PTPRN2: variants seen among roughly 807,000 people sequenced by gnomAD.
The protein encoded by PTPRN2 is receptor-type tyrosine-protein phosphatase N2.
A neutral mutation model predicts 118.8 loss-of-function variants in PTPRN2; 74 were observed. That is an observed-to-expected ratio of 0.62 (90% CI 0.52 to 0.76). The LOEUF (loss-of-function observed/expected upper bound fraction) is 0.76, where lower values mean the gene tolerates loss of function less well. PTPRN2 is among the 30% of genes least tolerant of loss of function. PTPRN2 has a pLI of 0.00. For synonymous variants in PTPRN2, 641 were observed against 608.0 expected (o/e 1.05, Z -0.80); for missense variants, 1,481 against 1,394.4 (o/e 1.06, Z -0.99).
rs568554692 is a variant in PTPRN2, at chr7:157,546,400, G to T, written c.2976+2546C>A. 2.6e-5 allele frequency among the ~76,000 whole-genome samples: 4 copies of T among 152,334 alleles called. No homozygotes were observed. The South Asian group carries it at 8.3e-4, about 32-fold the overall frequency. On this transcript the variant is annotated intron_variant, in intron 22 of 22. Transcript: ENST00000389418. The stretch of plus-strand genomic sequence containing the variant: ...ATCACCGAGGAATTAAGCTCCGCAT[G>T]CATTAGCTATCATCCTGATGCTCCC...
intron 12 of PTPRN2, among the ~76,000 whole-genome samples, chr7:157,711,747 G>T (rs952262625): frequency 1.3e-5 from 2 of 152,116 alleles, no homozygotes; most frequent in African/African-American, 4.8e-5. Context: ...CAGCAGTTCT[G>T]CCGGGTTAAC....
intron 2 of PTPRN2, among the ~76,000 whole-genome samples, chr7:158,342,189 C>T (rs202110959): frequency 4.4e-3 from 388 of 88,468 alleles, no homozygotes; most frequent in Middle Eastern, 7.2e-3. Flanking sequence ...CCGACGCCCA[C>T]AGACGTCACT....
intron 1 of PTPRN2, among the ~76,000 whole-genome samples, chr7:158,585,136 G>C (rs897042165): frequency 6.6e-6 from 1 of 152,234 alleles, no homozygotes; most frequent in Non-Finnish European, 1.5e-5. Context: ...ACAAGATCCA[G>C]ACAGGAGAGA....
At chr7:158,136,311 T>C (rs1585567859) in intron 8 of PTPRN2, among the ~76,000 whole-genome samples, 1 of 152,230 alleles carries the variant, frequency 6.6e-6, no homozygotes, top group African/African-American at 2.4e-5. Context: ...AATCCGCACA[T>C]GCAGGAGGCA....
chr7:157,977,747 C>G lies in PTPRN2; in HGVS notation c.1724-79010G>C, dbSNP rs1406547350. 6.6e-6 allele frequency among the ~76,000 whole-genome samples: 1 copy of G among 151,730 alleles called. No individual in the cohort carries two copies. The highest frequency in any genetic ancestry group is 1.5e-5 in the Non-Finnish European group (1 of 67,860). On this transcript the variant is annotated intron_variant, in intron 11 of 22. Coordinates refer to ENST00000389418, the MANE Select transcript of PTPRN2 (RefSeq NM_002847.5). The surrounding 1 kb of genome is among the most constrained non-coding windows in gnomAD (Gnocchi z 4.6). ...AGGAAGTGAGAGGTAGGATCTGGTA[C>G]CATCTCGAGAGGCTGCAGCAGGGAC...
At chr7:158,193,370 G>A (rs975239323) in intron 4 of PTPRN2, among the ~76,000 whole-genome samples, 1 of 152,226 alleles carries the variant, frequency 6.6e-6, no homozygotes, top group African/African-American at 2.4e-5. Context: ...CCACTTGCCA[G>A]TGGGGCCCCC....
intron 20 of PTPRN2, among the ~76,000 whole-genome samples, chr7:157,570,353 T>C (rs1442213289): frequency 6.6e-6 from 1 of 152,278 alleles, no homozygotes; most frequent in African/African-American, 2.4e-5. Context: ...TACTCTACTC[T>C]GTAAGGATAA....
intron 5 of PTPRN2, among the ~76,000 whole-genome samples, chr7:158,177,513 T>C (rs1317725327): frequency 6.6e-6 from 1 of 152,180 alleles, no homozygotes; most frequent in Admixed American, 6.5e-5. Context: ...CCTGAATACA[T>C]TCCGGTGCCC....
At chr7:157,889,589 C>G (rs1422955340) in intron 12 of PTPRN2, among the ~76,000 whole-genome samples, 1 of 152,154 alleles carries the variant, frequency 6.6e-6, no homozygotes, top group African/African-American at 2.4e-5. Context: ...GTCTCCATGC[C>G]CCAGTGAACA....
Position 157,610,925 on chromosome 7 carries a change from C to A in PTPRN2, c.2345-6850G>T, listed in dbSNP as rs186506142. Among the ~76,000 whole-genome samples, 76 of 152,324 alleles carry A rather than the reference C, an allele frequency of 5.0e-4. 1 individual carries two copies. The highest frequency in any genetic ancestry group is 1.2e-3 in the South Asian group (6 of 4,830). ...AAGTCAGCTGAGTGTCATTCAGGGC[C>A]TCCGCAGCTCAGCATACAATGCTGC... On this transcript the variant is annotated intron_variant, in intron 15 of 22. Transcript: ENST00000389418. The surrounding 1 kb of genome is among the most constrained non-coding windows in gnomAD (Gnocchi z 5.1).
rs914669953 is a variant in PTPRN2 at position 157,562,283 on chromosome 7, C to T, written c.2902+6619G>A. Among the ~76,000 whole-genome samples the T allele has an allele frequency of 8.5e-5, 13 of 152,090 alleles. No homozygotes were observed. In the East Asian group the frequency reaches 2.3e-3, roughly 27 times the overall value. On this transcript the variant is annotated intron_variant, in intron 21 of 22. Transcript: ENST00000389418. ...ACCTAATCAGGAGGAGAAAATGGAG[C>T]GGGGAGACCAGCACACGAGGGGTGA...
At chr7:158,161,869 AGAACTT>A (rs1822390425) in intron 6 of PTPRN2, among the ~76,000 whole-genome samples, 1 of 152,268 alleles carries the variant, frequency 6.6e-6, no homozygotes, top group Non-Finnish European at 1.5e-5. Flanking sequence ...AAAATATTCA[AGAACTT>A]TACAAACTCA....
chr7:157,553,594 C>T (rs555183479), intron 21 of PTPRN2, among the ~76,000 whole-genome samples: 49 of 152,304 alleles, frequency 3.2e-4, no homozygotes, highest in African/African-American at 1.1e-3. Context: ...AAAGACTTGC[C>T]GGGCCATCCC....
At chr7:157,997,538 G>C (rs1294416982) in intron 11 of PTPRN2, among the ~76,000 whole-genome samples, 1 of 152,202 alleles carries the variant, frequency 6.6e-6, no homozygotes, top group Non-Finnish European at 1.5e-5. Flanking sequence ...TCACTCAAGA[G>C]GGAAGGACCA....
At chr7:158,147,348 C>T (rs1820209271) in intron 6 of PTPRN2, among the ~76,000 whole-genome samples, 2 of 94,386 alleles carry the variant, frequency 2.1e-5, no homozygotes, top group African/African-American at 6.1e-5. Context: ...CACCCCATCT[C>T]ACGCCACGTA....
In PTPRN2 at chr7:157,550,680, C is replaced by T. The variant is rs991944985; in HGVS notation, c.2903-1661G>A. Among the ~76,000 whole-genome samples the T allele has an allele frequency of 1.3e-5, 2 of 152,240 alleles. No homozygotes were observed. The highest frequency in any genetic ancestry group is 4.8e-5 in the African/African-American group (2 of 41,466). On this transcript the variant is annotated intron_variant, in intron 21 of 22. Transcript: ENST00000389418. This position sits in a 1 kb window ranked among gnomAD's most constrained non-coding sequence, Gnocchi z 5.2. ...CCCCTGGTTAAAGGACCCCATTCTCCTGGGCAGGGAACACCATGAGGGCCA... is the reference window on the plus strand; with the variant it reads ...CCCCTGGTTAAAGGACCCCATTCTCTTGGGCAGGGAACACCATGAGGGCCA...
At chr7:158,312,809 G>A (rs1801961832) in intron 3 of PTPRN2, among the ~76,000 whole-genome samples, 1 of 151,452 alleles carries the variant, frequency 6.6e-6, no homozygotes, top group Non-Finnish European at 1.5e-5. Flanking sequence ...TCATTCACGT[G>A]CTCACGTGTA....
intron 22 of PTPRN2, among the ~76,000 whole-genome samples, chr7:157,542,991 G>T (rs1158116204): frequency 6.6e-6 from 1 of 152,184 alleles, no homozygotes; most frequent in Non-Finnish European, 1.5e-5. Flanking sequence ...GTGGGTCCTC[G>T]AAGGTCTGTG....
chr7:157,950,214 C>T (rs913028725), intron 11 of PTPRN2, among the ~76,000 whole-genome samples: 3 of 152,204 alleles, frequency 2.0e-5, no homozygotes, highest in Admixed American at 1.3e-4. Flanking sequence ...GATCATAAAG[C>T]TCTGTAAGGG....
Sources: gnomAD v4.1 joint callset for allele counts (sites outside exome capture counted in the v4.1 genomes callset) on GRCh38, gnomAD v4.1.1 for gene constraint, Gnocchi (gnomAD v3.1) non-coding constraint, MANE v1.5 for transcripts, NCBI Gene and HGNC (gene_info 2026-07-23, HGNC 2026-07-21) for gene names.